RARB: variants seen among roughly 807,000 people sequenced by gnomAD.
RARB encodes HBV-activated protein.
In RARB, 17 loss-of-function variants were observed where a neutral mutation model predicts 51.9. The observed-to-expected ratio is 0.33, with a 90% CI of 0.22 to 0.49. The LOEUF (loss-of-function observed/expected upper bound fraction) is 0.49, where lower values mean the gene tolerates loss of function less well. RARB is among the 20% of genes least tolerant of loss of function. The pLI is 0.99. For missense variants in RARB, 369 were observed against 550.8 expected (o/e 0.67, Z 3.30); for synonymous variants, 215 against 195.4 (o/e 1.10, Z -0.84).
At chr3:24,936,083 G>A (rs1171915565) in intron 2 of RARB, among the ~76,000 whole-genome samples, 2 of 152,060 alleles carry the variant, frequency 1.3e-5, no homozygotes, top group Admixed American at 1.3e-4. Flanking sequence ...GAAAGCCTCA[G>A]GTTTCCAGAA....
intron 3 of RARB, among the ~76,000 whole-genome samples, chr3:25,089,671 G>C (rs1017648376): frequency 4.6e-5 from 7 of 151,940 alleles, no homozygotes; most frequent in Non-Finnish European, 8.8e-5. Context: ...GTTTTATTTT[G>C]GGTTGTTTTA....
chr3:25,589,363 C>T lies in RARB; in HGVS notation c.787-4140C>T, dbSNP rs148660136. On this transcript the variant is annotated intron_variant, in intron 5 of 7. Transcript: ENST00000330688. Reference sequence around the variant, plus strand: ...TAAAGTTGGCAAGGTAGGGAGAGGCCACTGAGGCCACAGAAAGAAGTTTGG... The same window carrying T: ...TAAAGTTGGCAAGGTAGGGAGAGGCTACTGAGGCCACAGAAAGAAGTTTGG... 2.5e-3 allele frequency among the ~76,000 whole-genome samples: 379 copies of T among 152,292 alleles called. 1 individual carries two copies. Among genetic ancestry groups the T allele is most frequent in the African/African-American group, 8.4e-3 (348 of 41,560 alleles).
chr3:25,343,418 TGGA>T (rs945422092), intron 5 of RARB, among the ~76,000 whole-genome samples: 4 of 151,966 alleles, frequency 2.6e-5, no homozygotes, highest in Non-Finnish European at 5.9e-5. Flanking sequence ...AATTGAAGTC[TGGA>T]GGAGATTAAT....
chr3:24,893,483 C>T (rs1017322152), intron 2 of RARB, among the ~76,000 whole-genome samples: 6 of 152,126 alleles, frequency 3.9e-5, no homozygotes, highest in African/African-American at 1.4e-4. Flanking sequence ...GCAAACAGCT[C>T]ACGCTGATGA....
intron 4 of RARB, among the ~76,000 whole-genome samples, chr3:25,573,815 A>G (rs1700809146): frequency 6.6e-6 from 1 of 152,196 alleles, no homozygotes; most frequent in South Asian, 2.1e-4. Flanking sequence ...AAGGCAGCCA[A>G]CTGCGCATCT....
intron 1 of RARB, among the ~76,000 whole-genome samples, chr3:25,439,904 A>G (rs1007481998): frequency 2.0e-5 from 3 of 152,152 alleles, no homozygotes; most frequent in Admixed American, 1.3e-4. Context: ...CTAACATGTG[A>G]TGCAGTGAAA....
At chr3:25,474,209 A>G (rs1158536651) in intron 2 of RARB, among the ~76,000 whole-genome samples, 1 of 152,166 alleles carries the variant, frequency 6.6e-6, no homozygotes, top group Non-Finnish European at 1.5e-5. Flanking sequence ...CCCCCACATC[A>G]GGAAAATTAT....
intron 2 of RARB, among the ~76,000 whole-genome samples, chr3:25,012,905 G>A (rs1697428117): frequency 6.6e-6 from 1 of 152,088 alleles, no homozygotes; most frequent in Non-Finnish European, 1.5e-5. Context: ...GAGGTACTTA[G>A]AATAGTTTCT....
intron 2 of RARB, among the ~76,000 whole-genome samples, chr3:25,043,977 GTCC>G (rs1698163705): frequency 1.3e-5 from 2 of 152,164 alleles, no homozygotes; most frequent in Admixed American, 6.5e-5. Flanking sequence ...TGGAGTGCAA[GTCC>G]TCCTGACTGG....
chr3:25,490,823 A>T (rs189648850), intron 2 of RARB, among the ~76,000 whole-genome samples: 1 of 152,342 alleles, frequency 6.6e-6, no homozygotes, highest in East Asian at 1.9e-4. Context: ...GGAAGGGCAC[A>T]AAATAACTGA....
intron 3 of RARB, among the ~76,000 whole-genome samples, chr3:25,106,446 TTTTTGTTTTTTGTTTTTTTTTGTTTTG>T (rs1052387879): frequency 1.1e-5 from 1 of 88,158 alleles, no homozygotes; most frequent in Non-Finnish European, 2.2e-5. Context: ...CAGCTACTGT[TTTTTGTTTTTTGTTTTTTTTTGTTTTG>T]TTTTTTTTTT....
At chr3:25,257,324 G>A (rs1448488016) in intron 5 of RARB, among the ~76,000 whole-genome samples, 1 of 151,888 alleles carries the variant, frequency 6.6e-6, no homozygotes, top group African/African-American at 2.4e-5. Context: ...AGGAGTGAGA[G>A]TAGAATGAAA....
chr3:25,349,691 C>T (rs1384106719), intron 5 of RARB, among the ~76,000 whole-genome samples: 2 of 152,122 alleles, frequency 1.3e-5, no homozygotes, highest in Non-Finnish European at 2.9e-5. Flanking sequence ...CAAAGTTGTA[C>T]ATTTAAAAGT....
At chr3:24,840,960 C>A (rs762401385) in intron 1 of RARB, among the ~76,000 whole-genome samples, 1 of 152,086 alleles carries the variant, frequency 6.6e-6, no homozygotes, top group African/African-American at 2.4e-5. Context: ...ACAAATGCCA[C>A]AATGCACTGT....
chr3:25,312,339 G>C (rs1704310889), intron 5 of RARB, among the ~76,000 whole-genome samples: 1 of 151,972 alleles, frequency 6.6e-6, no homozygotes, highest in African/African-American at 2.4e-5. Context: ...ACCCCGGGAG[G>C]GAGGCAGAAT....
intron 5 of RARB, among the ~76,000 whole-genome samples, chr3:25,200,154 G>A (rs1242675658): frequency 6.6e-6 from 1 of 152,148 alleles, no homozygotes; most frequent in African/African-American, 2.4e-5. Context: ...GGTGTGAGAT[G>A]GTATCTCACT....
At chr3:25,197,305 C>T (rs1387463738) in intron 5 of RARB, among the ~76,000 whole-genome samples, 1 of 152,086 alleles carries the variant, frequency 6.6e-6, no homozygotes, top group Non-Finnish European at 1.5e-5. Flanking sequence ...TTTCCCAGTA[C>T]CATTTATGAA....
At chr3:25,025,659 G>C (rs1037848014) in intron 2 of RARB, among the ~76,000 whole-genome samples, 9 of 152,132 alleles carry the variant, frequency 5.9e-5, no homozygotes, top group African/African-American at 2.2e-4. Context: ...GTTCCATTTA[G>C]AGGGACCAGC....
chr3:24,881,676 C>G (rs773182927), intron 2 of RARB, among the ~76,000 whole-genome samples: 3 of 152,094 alleles, frequency 2.0e-5, no homozygotes, highest in African/African-American at 7.2e-5. Context: ...GAGCACAAAA[C>G]CTTCAAAATT....
Sources: allele counts gnomAD v4.1 joint callset (sites outside exome capture counted in the v4.1 genomes callset), GRCh38; gene constraint gnomAD v4.1.1; transcripts MANE v1.5; gene names NCBI Gene and HGNC (gene_info 2026-07-23, HGNC 2026-07-21).